CDK5RAP2: variants seen among roughly 807,000 people sequenced by gnomAD.
CDK5RAP2 encodes CDK5 regulatory subunit associated protein 2, also known as CDK5 regulatory subunit-associated protein 2.
A neutral mutation model predicts 232.9 loss-of-function variants in CDK5RAP2; 147 were observed. That is an observed-to-expected ratio of 0.63 (90% CI 0.55 to 0.72). The LOEUF (loss-of-function observed/expected upper bound fraction) is 0.72. CDK5RAP2 is among the 30% of genes least tolerant of loss of function. The probability of loss-of-function intolerance (pLI) is 0.00; values close to 1 mark genes in which losing one functional copy is unlikely to be tolerated. For synonymous variants in CDK5RAP2, 833 were observed against 833.7 expected, an observed-to-expected ratio of 1.00 and a Z score of 0.01; for missense variants, 2,195 against 2,231.5, an observed-to-expected ratio of 0.98 and a Z score of 0.33.
In CDK5RAP2 at chr9:120,536,534, C is replaced by T. The variant is rs370920213; in HGVS notation, c.508-8G>A. ...CTGGGCGGCTGTCACATCCTAGAGTCAAATTAAATGCATTTGATGCAATTT... is the reference window on the plus strand; with the variant it reads ...CTGGGCGGCTGTCACATCCTAGAGTTAAATTAAATGCATTTGATGCAATTT... On this transcript the variant is annotated splice_region_variant and splice_polypyrimidine_tract_variant and intron_variant, in intron 6 of 37. Transcript: ENST00000349780. 12 of 1,613,406 alleles carry T rather than the reference C, an allele frequency of 7.4e-6. No homozygotes were observed. The African/African-American group carries it at 1.3e-4, about 18-fold the overall frequency.
chr9:120,475,149 G>A (rs1049493265), intron 15 of CDK5RAP2, among the ~76,000 whole-genome samples: 6 of 152,176 alleles, frequency 3.9e-5, no homozygotes, highest in Admixed American at 2.6e-4. Flanking sequence ...TAAGTAGGCA[G>A]ACCAGCCAAT....
At chr9:120,439,348 A>G (rs1320958527) in intron 24 of CDK5RAP2, 51 bp downstream of exon 24, 2 of 1,455,380 alleles carry the variant, frequency 1.4e-6, no homozygotes, top group African/African-American at 2.8e-5. Flanking sequence ...CCTAGTGGCA[A>G]TACTGGGGGA....
chr9:120,470,564 T>G (rs1020499076), intron 16 of CDK5RAP2, among the ~76,000 whole-genome samples: 1 of 152,164 alleles, frequency 6.6e-6, no homozygotes, highest in Non-Finnish European at 1.5e-5. Flanking sequence ...AATGAGGGAC[T>G]GATTCTGTTT....
intron 12 of CDK5RAP2, among the ~76,000 whole-genome samples, chr9:120,509,140 T>C (rs7034339): frequency 0.071 from 10,779 of 152,268 alleles, 1,242 homozygotes; most frequent in African/African-American, 0.24. Flanking sequence ...GACTCCCTTC[T>C]TATAGGGATC....
intron 29 of CDK5RAP2, 80 bp downstream of exon 29, chr9:120,411,278 C>G: frequency 1.1e-6 from 1 of 876,512 alleles, no homozygotes; most frequent in Non-Finnish European, 2.0e-6. Context: ...TTAGGTTGGT[C>G]AGACTCCAAT....
chr9:120,455,141 C>A (rs952928457), intron 20 of CDK5RAP2, among the ~76,000 whole-genome samples: 1 of 152,056 alleles, frequency 6.6e-6, no homozygotes, highest in Non-Finnish European at 1.5e-5. Context: ...GAGAAACATA[C>A]GTAAACAAAC....
chr9:120,411,325 T>G (rs755137719), intron 29 of CDK5RAP2, 33 bp downstream of exon 29: 1 of 1,309,044 alleles, frequency 7.6e-7, no homozygotes, highest in Non-Finnish European at 1.1e-6. Context: ...GGCTTTGGCG[T>G]TCCAGACTTC....
In CDK5RAP2 at chr9:120,439,575, G is replaced by A. The variant is rs773274815; in HGVS notation, c.3546C>T (p.His1182=). 2.3e-5 allele frequency: 37 copies of A among 1,614,054 alleles called. No individual in the cohort carries two copies. Among genetic ancestry groups the A allele is most frequent in the Non-Finnish European group, 3.0e-5 (35 of 1,180,038 alleles). ...GGGCCAGCGGACCGAGGATTTTCAC[G>A]TGTTTCACGTATCGCACTTGGTGCA... ...SSLHQVRYVK[H]VKILGPLAPE... Residue 1182 remains histidine (H), a synonymous_variant, in exon 24 of 38, where the codon CAC becomes CAT. Coordinates refer to ENST00000349780, the MANE Select transcript of CDK5RAP2 (RefSeq NM_018249.6).
chr9:120,403,698 G>A lies in CDK5RAP2; in HGVS notation c.5041+338C>T. ...GAGGAAAGTGTGGGCCTGTCTGCAG[G>A]ATGGTGACCCCTGTGTGGCTACACC... On this transcript the variant is annotated intron_variant, in intron 33 of 37. Transcript: ENST00000349780. This position sits in a 1 kb window ranked among gnomAD's most constrained non-coding sequence, Gnocchi z 4.2. The A allele has an allele frequency of 2.5e-6, 1 of 397,182 alleles. No homozygotes were observed. Among genetic ancestry groups the A allele is most frequent in the Non-Finnish European group, 4.7e-6 (1 of 211,154 alleles). 24.6% of individuals were successfully genotyped at this position (397,182 alleles called of 1,614,324 possible).
intron 14 of CDK5RAP2, among the ~76,000 whole-genome samples, chr9:120,482,038 A>G (rs2038348095): frequency 6.6e-6 from 1 of 152,130 alleles, no homozygotes; most frequent in South Asian, 2.1e-4. Flanking sequence ...GGAACTTCCC[A>G]TTTTTCAGAT....
chr9:120,407,535 A>G (rs1588251392), intron 31 of CDK5RAP2: 1 of 453,032 alleles, frequency 2.2e-6, no homozygotes, highest in East Asian at 4.4e-5. Flanking sequence ...TAGTAATAAA[A>G]TCTATTTGGG....
chr9:120,453,943 C>T (rs953796191), intron 20 of CDK5RAP2, 70 bp from the exon 21 acceptor site: 1 of 1,456,264 alleles, frequency 6.9e-7, no homozygotes, highest in Non-Finnish European at 9.6e-7. Flanking sequence ...TAGCCAGTAT[C>T]CCAAGTTATC....
intron 11 of CDK5RAP2, among the ~76,000 whole-genome samples, chr9:120,522,242 G>A (rs2040700888): frequency 6.6e-6 from 1 of 152,208 alleles, no homozygotes; most frequent in Non-Finnish European, 1.5e-5. Flanking sequence ...TGACCTGGCA[G>A]TGATATTACA....
intron 1 of CDK5RAP2, among the ~76,000 whole-genome samples, chr9:120,576,561 G>T (rs1352571754): frequency 1.3e-5 from 2 of 152,122 alleles, no homozygotes; most frequent in Non-Finnish European, 2.9e-5. Flanking sequence ...AATTAGCCGA[G>T]CATGGTGGCA....
intron 4 of CDK5RAP2, among the ~76,000 whole-genome samples, chr9:120,547,679 A>C (rs1379209994): frequency 6.6e-6 from 1 of 152,160 alleles, no homozygotes; most frequent in African/African-American, 2.4e-5. Flanking sequence ...AAGCAGCCCT[A>C]GAGAAGCAAG....
intron 26 of CDK5RAP2, among the ~76,000 whole-genome samples, chr9:120,421,600 G>A (rs1239053756): frequency 6.6e-6 from 1 of 152,112 alleles, no homozygotes; most frequent in Non-Finnish European, 1.5e-5. Context: ...TAAAGAAGAG[G>A]AAAGTACACA....
rs1369031679 is a variant in CDK5RAP2, at chr9:120,414,429, G to A, written c.4297+611C>T. 2.0e-5 allele frequency among the ~76,000 whole-genome samples: 3 copies of A among 152,164 alleles called. No homozygotes were observed. The East Asian group carries it at 5.8e-4, about 29-fold the overall frequency. On this transcript the variant is annotated intron_variant, in intron 28 of 37. Coordinates refer to ENST00000349780, the MANE Select transcript of CDK5RAP2 (RefSeq NM_018249.6). ...AGATGTCCAAGATTTACTGCTCCAT[G>A]ACAAATGGACAGAATCATGGATATA...
intron 5 of CDK5RAP2, 114 bp from the exon 6 acceptor site, chr9:120,539,278 G>A (rs2041528586): frequency 3.1e-6 from 4 of 1,308,554 alleles, no homozygotes; most frequent in Non-Finnish European, 2.2e-6. Flanking sequence ...GACCTGTGCT[G>A]AGCTTCTTTT....
intron 27 of CDK5RAP2, among the ~76,000 whole-genome samples, chr9:120,418,057 A>C (rs1487365202): frequency 6.6e-6 from 1 of 152,248 alleles, no homozygotes; most frequent in Non-Finnish European, 1.5e-5. Context: ...CAGAACGTTA[A>C]GTGAGAAAAA....
Sources: allele counts gnomAD v4.1 joint callset (sites outside exome capture counted in the v4.1 genomes callset), GRCh38; gene constraint gnomAD v4.1.1; non-coding constraint Gnocchi (gnomAD v3.1); transcripts MANE v1.5; gene names NCBI Gene and HGNC (gene_info 2026-07-23, HGNC 2026-07-21).